The following MCTP1 variants were observed in gnomAD, a reference collection of about 807,000 sequenced individuals.
MCTP1 encodes the protein multiple C2 and transmembrane domain containing 1.
Under a neutral mutation model 120.6 loss-of-function variants are expected in MCTP1, and 69 were observed. The ratio of observed to expected loss-of-function variants is 0.57; its 90% CI spans 0.47 to 0.70. MCTP1 has a LOEUF of 0.70. MCTP1 is among the 30% of genes least tolerant of loss of function. MCTP1 has a pLI of 0.00. For synonymous variants in MCTP1, 529 were observed against 493.1 expected, an observed-to-expected ratio of 1.07 and a Z score of -0.96; for missense variants, 1,203 against 1,248.8, an observed-to-expected ratio of 0.96 and a Z score of 0.55.
At chr5:94,900,595 C>T (rs1053696225) in intron 10 of MCTP1, among the ~76,000 whole-genome samples, 4 of 152,144 alleles carry the variant, frequency 2.6e-5, no homozygotes, top group African/African-American at 9.7e-5. Flanking sequence ...GTCTCAGGTC[C>T]TTTTAGATTT....
chr5:95,059,661 C>A (rs920783200), intron 1 of MCTP1, among the ~76,000 whole-genome samples: 6 of 151,988 alleles, frequency 3.9e-5, no homozygotes, highest in Non-Finnish European at 7.4e-5. Flanking sequence ...CAGTTTCATA[C>A]CCTTAGTTAT....
At chr5:95,032,400 C>T (rs930018245) in intron 1 of MCTP1, among the ~76,000 whole-genome samples, 1 of 152,004 alleles carries the variant, frequency 6.6e-6, no homozygotes, top group African/African-American at 2.4e-5. Context: ...TCTGGGACCA[C>T]AGTGGAATTA....
intron 19 of MCTP1, among the ~76,000 whole-genome samples, chr5:94,758,729 TC>T (rs1178841215): frequency 6.6e-6 from 1 of 152,178 alleles, no homozygotes; most frequent in Non-Finnish European, 1.5e-5. Flanking sequence ...TCCAAGTGAC[TC>T]CCACCTGGAT....
chr5:94,743,627 C>T (rs1766113214), intron 19 of MCTP1, among the ~76,000 whole-genome samples: 1 of 137,884 alleles, frequency 7.3e-6, no homozygotes, highest in African/African-American at 2.7e-5. Context: ...AGCTCAAAAT[C>T]CACATTTTTT....
chr5:95,233,037 C>T (rs1755137495), intron 1 of MCTP1, among the ~76,000 whole-genome samples: 1 of 152,138 alleles, frequency 6.6e-6, no homozygotes, highest in African/African-American at 2.4e-5. Flanking sequence ...CAACTCTTTT[C>T]CAATAATTGG....
intron 19 of MCTP1, among the ~76,000 whole-genome samples, chr5:94,722,577 T>C (rs1761163213): frequency 6.6e-6 from 1 of 152,214 alleles, no homozygotes; most frequent in Non-Finnish European, 1.5e-5. Flanking sequence ...GAACATAAAA[T>C]GGAACTATAT....
intron 17 of MCTP1, among the ~76,000 whole-genome samples, chr5:94,861,639 A>G (rs995394465): frequency 4.6e-5 from 7 of 151,844 alleles, no homozygotes; most frequent in African/African-American, 1.4e-4. Context: ...TTGCAATGGA[A>G]TATGGCTTGC....
intron 6 of MCTP1, 81 bp downstream of exon 6, chr5:94,931,872 G>T: frequency 9.6e-7 from 1 of 1,039,740 alleles, no homozygotes; most frequent in Non-Finnish European, 1.5e-6. Flanking sequence ...AGCATACTTT[G>T]AAGAGATGAG....
At chr5:94,794,262 A>G (rs1039922526) in intron 18 of MCTP1, among the ~76,000 whole-genome samples, 2 of 152,246 alleles carry the variant, frequency 1.3e-5, no homozygotes, top group Admixed American at 6.5e-5. Flanking sequence ...TGTCAAAGAA[A>G]TTTTTGAATT....
chr5:94,884,460 G>A (rs953500923), intron 12 of MCTP1, among the ~76,000 whole-genome samples: 3 of 152,106 alleles, frequency 2.0e-5, no homozygotes, highest in African/African-American at 7.2e-5. Flanking sequence ...TTGTCTCCCT[G>A]TCATTGTTAA....
intron 1 of MCTP1, among the ~76,000 whole-genome samples, chr5:95,121,830 C>T (rs534608558): frequency 2.7e-5 from 4 of 150,606 alleles, no homozygotes; most frequent in Non-Finnish European, 4.4e-5. Flanking sequence ...GAGATTAATC[C>T]GTACATCTAT....
chr5:95,171,279 C>T (rs539427450), intron 1 of MCTP1, among the ~76,000 whole-genome samples: 8 of 152,256 alleles, frequency 5.3e-5, no homozygotes, highest in South Asian at 4.1e-4. Context: ...CCGAGAGATC[C>T]GCTGTTAGTC....
intron 17 of MCTP1, among the ~76,000 whole-genome samples, chr5:94,822,340 G>C (rs1208982627): frequency 6.6e-6 from 1 of 152,168 alleles, no homozygotes; most frequent in Non-Finnish European, 1.5e-5. Context: ...TTAGTTCGCT[G>C]AGAATGATGG....
chr5:95,003,033 T>C (rs1271807659), intron 2 of MCTP1, among the ~76,000 whole-genome samples: 2 of 152,146 alleles, frequency 1.3e-5, no homozygotes, highest in African/African-American at 4.8e-5. Flanking sequence ...TCTGATGGTT[T>C]TATAAGCATC....
At chr5:94,912,324 C>T (rs1808852286) in intron 9 of MCTP1, among the ~76,000 whole-genome samples, 1 of 148,736 alleles carries the variant, frequency 6.7e-6, no homozygotes, top group East Asian at 2.0e-4. Context: ...ACTCGGGAGG[C>T]TGAGAGAGGA....
intron 10 of MCTP1, among the ~76,000 whole-genome samples, chr5:94,902,964 T>C (rs1805906389): frequency 1.3e-5 from 2 of 152,184 alleles, no homozygotes; most frequent in African/African-American, 4.8e-5. Flanking sequence ...TTACAATGAG[T>C]ACAGCCTTTC....
intron 1 of MCTP1, among the ~76,000 whole-genome samples, chr5:95,263,141 T>C (rs1470326663): frequency 6.6e-6 from 1 of 152,252 alleles, no homozygotes; most frequent in Admixed American, 6.5e-5. Flanking sequence ...CTATGTTTAC[T>C]GGCTTCATTT....
chr5:95,162,535 T>A (rs1459219077), intron 1 of MCTP1, among the ~76,000 whole-genome samples: 1 of 152,150 alleles, frequency 6.6e-6, no homozygotes, highest in East Asian at 1.9e-4. Flanking sequence ...ATATATCATG[T>A]TTGCACAACT....
At chr5:94,805,408 C>T (rs1028631433) in intron 17 of MCTP1, among the ~76,000 whole-genome samples, 1 of 152,120 alleles carries the variant, frequency 6.6e-6, no homozygotes, top group African/African-American at 2.4e-5. Flanking sequence ...AGGAGGATTG[C>T]TTGAGGCCAG....
Sources: gnomAD v4.1 joint callset for allele counts (sites outside exome capture counted in the v4.1 genomes callset) on GRCh38, gnomAD v4.1.1 for gene constraint, MANE v1.5 for transcripts, NCBI Gene and HGNC (gene_info 2026-07-23, HGNC 2026-07-21) for gene names.